MRRF: variants seen among roughly 807,000 people sequenced by gnomAD.
MRRF encodes ribosome-recycling factor, mitochondrial.
In MRRF, 18 loss-of-function variants were observed where a neutral mutation model predicts 25.1. That is an observed-to-expected ratio of 0.72 (90% CI 0.50 to 1.06). The LOEUF is 1.06. MRRF is among the 50% of genes least tolerant of loss of function. The pLI, the probability that MRRF is intolerant of heterozygous loss-of-function variation, is 0.00. For synonymous variants in MRRF, 113 were observed against 112.1 expected, an observed-to-expected ratio of 1.01 and a Z score of -0.05; for missense variants, 323 against 319.3, an observed-to-expected ratio of 1.01 and a Z score of -0.09.
intron 6 of MRRF, among the ~76,000 whole-genome samples, chr9:122,319,689 A>G (rs1835759891): frequency 6.6e-6 from 1 of 152,094 alleles, no homozygotes; most frequent in Non-Finnish European, 1.5e-5. Flanking sequence ...ATGCATGTGA[A>G]GTTTTAGGCA....
At chr9:122,290,024 A>G (rs920068458) in intron 4 of MRRF, among the ~76,000 whole-genome samples, 1 of 151,600 alleles carries the variant, frequency 6.6e-6, no homozygotes, top group African/African-American at 2.4e-5. Context: ...ACTGCCCTCA[A>G]GCCTGAGTGA....
At position 122,313,353 on chromosome 9, in the gene MRRF, C is replaced by G. The variant is rs139445941; in HGVS notation, c.678C>G (p.Val226=). Residue 226 remains valine (V), a synonymous_variant, in exon 6 of 7, where the codon GTC becomes GTG. Coordinates refer to ENST00000344641, the MANE Select transcript of MRRF (RefSeq NM_138777.5). ...MNKLKKSKDT[V]SEDTIRLIEK... is the part of the protein sequence containing the mutation. ...AGCTGAAGAAATCCAAGGATACAGTCTCAGAGGACACCATTAGGCTAATAG... is the reference window on the plus strand; with the variant it reads ...AGCTGAAGAAATCCAAGGATACAGTGTCAGAGGACACCATTAGGCTAATAG... The G allele has an allele frequency of 2.5e-5, 41 of 1,614,098 alleles. No homozygotes were observed. The African/African-American group carries it at 4.9e-4, about 19-fold the overall frequency.
At chr9:122,270,053 T>A (rs1242335741) in intron 1 of MRRF, among the ~76,000 whole-genome samples, 1 of 151,888 alleles carries the variant, frequency 6.6e-6, no homozygotes, top group Admixed American at 6.6e-5. Flanking sequence ...AAAAAAAAAA[T>A]AAGGTGTGGG....
chr9:122,296,890 A>G (rs1399494980), intron 5 of MRRF, among the ~76,000 whole-genome samples: 3 of 152,230 alleles, frequency 2.0e-5, no homozygotes, highest in Admixed American at 6.5e-5. Context: ...TAAGGAAACT[A>G]TGAATTCACC....
At chr9:122,287,909 C>A (rs1405932582) in intron 4 of MRRF, among the ~76,000 whole-genome samples, 1 of 152,182 alleles carries the variant, frequency 6.6e-6, no homozygotes, top group Non-Finnish European at 1.5e-5. Context: ...AGCTTCGAAG[C>A]TGACCGTAGA....
intron 2 of MRRF, among the ~76,000 whole-genome samples, chr9:122,272,840 A>G (rs1198699304): frequency 6.6e-6 from 1 of 152,188 alleles, no homozygotes; most frequent in Non-Finnish European, 1.5e-5. Flanking sequence ...GGTAATTTTT[A>G]AAGTTTCCTT....
intron 5 of MRRF, among the ~76,000 whole-genome samples, chr9:122,309,086 C>G (rs545150071): frequency 1.7e-4 from 26 of 152,274 alleles, no homozygotes; most frequent in Admixed American, 7.2e-4. Flanking sequence ...TACTTTCCGT[C>G]TCTATGAATT....
At chr9:122,298,208 T>C (rs1232131242) in intron 5 of MRRF, among the ~76,000 whole-genome samples, 2 of 152,218 alleles carry the variant, frequency 1.3e-5, no homozygotes. Context: ...CTTCTTCGTT[T>C]TTGTAGCAAA....
Position 122,272,981 on chromosome 9 carries a change from T to C in MRRF, c.184+1906T>C, listed in dbSNP as rs114520604. Among the ~76,000 whole-genome samples the C allele has an allele frequency of 5.2e-3, 791 of 152,346 alleles. 5 individuals are homozygous for C. The highest frequency in any genetic ancestry group is 0.018 in the African/African-American group (769 of 41,572). On this transcript the variant is annotated intron_variant, in intron 2 of 6. Transcript: ENST00000344641. Reference sequence around the variant, plus strand: ...GGCATTGTGTCTGAGCTGTTGATTTTATTGAACTGCTTATCTCTCCCTTCA... The same window carrying C: ...GGCATTGTGTCTGAGCTGTTGATTTCATTGAACTGCTTATCTCTCCCTTCA...
intron 6 of MRRF, among the ~76,000 whole-genome samples, chr9:122,316,418 C>T (rs1216530995): frequency 2.6e-5 from 4 of 152,076 alleles, no homozygotes; most frequent in Admixed American, 6.6e-5. Context: ...TCAGATGATC[C>T]GCCCACCTCA....
At position 122,303,770 on chromosome 9, in the gene MRRF, A is replaced by G. The variant is rs191586296; in HGVS notation, c.552-9457A>G. On this transcript the variant is annotated intron_variant, in intron 5 of 6. Transcript: ENST00000344641. ...TTAAGTAACTTGCTCATGGTCATAG[A>G]TTAGTAAGTGAAGGAGCCGTTATTC... is the stretch of plus-strand genomic sequence containing the variant. Among the ~76,000 whole-genome samples, 192 of 152,326 alleles carry G rather than the reference A, an allele frequency of 1.3e-3. 2 individuals carry two copies. Among genetic ancestry groups the G allele is most frequent in the South Asian group, 6.8e-3 (33 of 4,826 alleles).
chr9:122,267,149 C>T (rs968391803), intron 1 of MRRF, among the ~76,000 whole-genome samples: 12 of 151,234 alleles, frequency 7.9e-5, no homozygotes, highest in Admixed American at 2.0e-4. Context: ...GAGGCCGAGG[C>T]GGGCAGATCA....
At chr9:122,299,028 T>C (rs1156550594) in intron 5 of MRRF, among the ~76,000 whole-genome samples, 2 of 151,482 alleles carry the variant, frequency 1.3e-5, no homozygotes, top group Middle Eastern at 3.2e-3. Flanking sequence ...GAGGTGGGAG[T>C]CTACCTGGGA....
intron 5 of MRRF, among the ~76,000 whole-genome samples, chr9:122,297,565 A>G (rs1284730317): frequency 1.3e-5 from 2 of 151,896 alleles, no homozygotes; most frequent in Admixed American, 6.6e-5. Flanking sequence ...TTTTACACTT[A>G]CATTAACCAG....
At chr9:122,312,499 G>C (rs779085230) in intron 5 of MRRF, among the ~76,000 whole-genome samples, 14 of 152,068 alleles carry the variant, frequency 9.2e-5, no homozygotes, top group Non-Finnish European at 1.5e-4. Flanking sequence ...ATTCCACACT[G>C]AACATGTACC....
chr9:122,271,710 G>T lies in MRRF; in HGVS notation c.184+635G>T, dbSNP rs186297988. 2.0e-5 allele frequency among the ~76,000 whole-genome samples: 3 copies of T among 152,316 alleles called. No homozygotes were observed. The East Asian group carries it at 5.8e-4, about 29-fold the overall frequency. ...TGATTATCGTTTATCTGTCTTCTAT[G>T]CTGGACCTGATGAAGGTAGGTTCTA... On this transcript the variant is annotated intron_variant, in intron 2 of 6. Transcript: ENST00000344641.
chr9:122,316,629 C>T (rs1835547421), intron 6 of MRRF, among the ~76,000 whole-genome samples: 4 of 151,738 alleles, frequency 2.6e-5, no homozygotes, highest in South Asian at 4.2e-4. Flanking sequence ...TGTACGTGTG[C>T]GTGCATGTTT....
intron 6 of MRRF, among the ~76,000 whole-genome samples, chr9:122,316,444 G>A (rs539963564): frequency 1.8e-4 from 27 of 152,228 alleles, no homozygotes; most frequent in South Asian, 4.1e-4. Flanking sequence ...CCAAAGTGCT[G>A]GGATTACAGG....
intron 6 of MRRF, among the ~76,000 whole-genome samples, chr9:122,317,397 C>T (rs909089906): frequency 6.6e-6 from 1 of 152,012 alleles, no homozygotes; most frequent in African/African-American, 2.4e-5. Context: ...CCATACATTT[C>T]TGATTTAGTG....
Sources: allele counts gnomAD v4.1 joint callset (sites outside exome capture counted in the v4.1 genomes callset), GRCh38; gene constraint gnomAD v4.1.1; transcripts MANE v1.5; gene names NCBI Gene and HGNC (gene_info 2026-07-23, HGNC 2026-07-21).